The following ITGB5 variants were observed in gnomAD, a reference collection of about 807,000 sequenced individuals.
ITGB5 encodes the protein integrin beta-5.
A neutral mutation model predicts 84.8 loss-of-function variants in ITGB5; 38 were observed. The observed-to-expected ratio is 0.45, with a 90% CI of 0.35 to 0.59. The LOEUF (loss-of-function observed/expected upper bound fraction) is 0.59, where lower values mean the gene tolerates loss of function less well. ITGB5 is among the 20% of genes least tolerant of loss of function. The pLI is 0.01. For missense variants in ITGB5, 905 were observed against 1,034.5 expected (o/e 0.87, Z 1.72); for synonymous variants, 393 against 414.4 (o/e 0.95, Z 0.63).
In ITGB5 at chr3:124,763,674, C is replaced by T; in HGVS notation, c.2349G>A (p.Val783=). The T allele has an allele frequency of 6.2e-7, 1 of 1,611,182 alleles. No individual in the cohort carries two copies. Among genetic ancestry groups the T allele is most frequent in the Non-Finnish European group, 8.5e-7 (1 of 1,177,300 alleles). Residue 783 remains valine (V), a synonymous_variant, in exon 15 of 15, where the codon GTG becomes GTA. Coordinates refer to ENST00000296181, the MANE Select transcript of ITGB5 (RefSeq NM_002213.5). ...TGTTGAACTTGTTGAAGGTGAAGTC[C>T]ACAGTGTGCGTGGAGATAGGCTTTC... ...LYRKPISTHT[V]DFTFNKFNKS...
intron 2 of ITGB5, chr3:124,862,636 G>A (rs981334874): frequency 6.6e-6 from 1 of 152,258 alleles, no homozygotes; most frequent in Non-Finnish European, 1.5e-5. Flanking sequence ...TACAACCCTA[G>A]TAGTGTCGCT....
At chr3:124,864,581 G>C (rs1188176750) in intron 2 of ITGB5, among the ~76,000 whole-genome samples, 2 of 152,070 alleles carry the variant, frequency 1.3e-5, no homozygotes, top group Non-Finnish European at 2.9e-5. Context: ...TAAACATTGA[G>C]CACCCACAGA....
At chr3:124,841,061 T>C (rs55857135) in intron 5 of ITGB5, among the ~76,000 whole-genome samples, 8,308 of 152,348 alleles carry the variant, frequency 0.055, 312 homozygotes, top group Non-Finnish European at 0.081. Context: ...TGCCTATGAC[T>C]TGACCTTTAC....
upstream of ITGB5, among the ~76,000 whole-genome samples, chr3:124,888,737 A>G (rs1343291008): frequency 6.6e-6 from 1 of 152,188 alleles, no homozygotes. Flanking sequence ...TGAAGCAGTA[A>G]GGGGGAAAGA....
chr3:124,841,554 A>G lies in ITGB5; in HGVS notation c.612-3T>C. On this transcript the variant is annotated splice_polypyrimidine_tract_variant and splice_region_variant and intron_variant, in intron 4 of 14. Coordinates refer to ENST00000296181, the MANE Select transcript of ITGB5 (RefSeq NM_002213.5). ...CGCAATTTGGAAACAACTTGTAACT[A>G]GAGAGGAAGAAGAGAAGAGTCACTT... The G allele has an allele frequency of 6.2e-7, 1 of 1,613,194 alleles. No homozygotes were observed.
Position 124,767,889 on chromosome 3 carries a change from T to C in ITGB5, c.2017+1124A>G, listed in dbSNP as rs540207549. 6.6e-5 allele frequency among the ~76,000 whole-genome samples: 10 copies of C among 152,098 alleles called. No homozygotes were observed. In the East Asian group the frequency reaches 1.9e-3, roughly 30 times the overall value. ...GAGTTTGAGACCAGCCTGGGCAACA[T>C]GGTGAAACTCCGTCTCTACAAAAAC... On this transcript the variant is annotated intron_variant, in intron 12 of 14. Transcript: ENST00000296181.
chr3:124,822,211 C>T (rs774432117), intron 5 of ITGB5, among the ~76,000 whole-genome samples: 1 of 152,220 alleles, frequency 6.6e-6, no homozygotes. Flanking sequence ...GTGGTGCCAA[C>T]TCTACACAAA....
At chr3:124,814,290 G>A (rs7639092) in intron 8 of ITGB5, among the ~76,000 whole-genome samples, 6 of 151,714 alleles carry the variant, frequency 4.0e-5, no homozygotes, top group Non-Finnish European at 8.8e-5. Flanking sequence ...TTCACCTGAA[G>A]GGAGGGGTGG....
At chr3:124,867,141 G>A (rs939276616) in intron 2 of ITGB5, among the ~76,000 whole-genome samples, 1 of 151,852 alleles carries the variant, frequency 6.6e-6, no homozygotes. Flanking sequence ...GGCAAAGACC[G>A]CTCACCCCAG....
At chr3:124,826,671 G>T (rs185427366) in intron 5 of ITGB5, among the ~76,000 whole-genome samples, 1 of 152,184 alleles carries the variant, frequency 6.6e-6, no homozygotes, top group Middle Eastern at 3.2e-3. Context: ...GAAGAACTGT[G>T]CATGTAATAA....
At chr3:124,891,920 AAAAAAT>A (rs1176377854), upstream of ITGB5, among the ~76,000 whole-genome samples, 3 of 152,166 alleles carry the variant, frequency 2.0e-5, no homozygotes, top group African/African-American at 7.2e-5. Flanking sequence ...CTGTCTCAAA[AAAAAAT>A]AAAAATAAAA....
At chr3:124,845,259 C>T (rs990535073) in intron 4 of ITGB5, among the ~76,000 whole-genome samples, 4 of 152,206 alleles carry the variant, frequency 2.6e-5, no homozygotes, top group Non-Finnish European at 5.9e-5. Context: ...ATGGTGAAAC[C>T]CCATCTCTAC....
Position 124,796,767 on chromosome 3 carries a change from C to T in ITGB5, c.1314G>A (p.Thr438=), listed in dbSNP as rs773136191. The T allele has an allele frequency of 2.2e-5, 35 of 1,613,330 alleles. No individual in the cohort carries two copies. The highest frequency in any genetic ancestry group is 8.8e-5 in the South Asian group (8 of 90,936). ...CCGGCCGCAGGGCAAACACATGCTC[C>T]GTGTGTCTGCTGGGACAGCTTCGGG... is the stretch of plus-strand genomic sequence containing the variant. ...LEARSCPSRH[T]EHVFALRPVG... The change falls in exon 10 of 15, where the codon ACG becomes ACA. Residue 438 remains threonine (T), a synonymous_variant. Transcript: ENST00000296181.
chr3:124,771,242 GTTAGATCCAGA>G (rs2063839236), intron 11 of ITGB5, among the ~76,000 whole-genome samples: 5 of 152,168 alleles, frequency 3.3e-5, no homozygotes, highest in Admixed American at 3.3e-4. Flanking sequence ...AGTGTGGTTA[GTTAGATCCAGA>G]AAACGAAGAC....
At chr3:124,841,065 CCTTTA>C (rs1447653288) in intron 5 of ITGB5, among the ~76,000 whole-genome samples, 15 of 152,352 alleles carry the variant, frequency 9.8e-5, no homozygotes, top group Non-Finnish European at 1.8e-4. Flanking sequence ...TATGACTTGA[CCTTTA>C]CTTTTTTCCC....
chr3:124,774,935 G>GA (rs1312870592), intron 10 of ITGB5, among the ~76,000 whole-genome samples: 1 of 152,232 alleles, frequency 6.6e-6, no homozygotes, highest in East Asian at 1.9e-4. Flanking sequence ...CCAGAAAGGT[G>GA]AAGCAATGGT....
chr3:124,780,113 C>T (rs892019708), intron 10 of ITGB5, among the ~76,000 whole-genome samples: 17 of 122,608 alleles, frequency 1.4e-4, no homozygotes, highest in Admixed American at 7.7e-4. Context: ...AGGCAGGGCA[C>T]GGGGACCCTC....
At chr3:124,772,953 G>A (rs1579174706) in intron 11 of ITGB5, among the ~76,000 whole-genome samples, 1 of 118,158 alleles carries the variant, frequency 8.5e-6, no homozygotes, top group South Asian at 2.7e-4. Flanking sequence ...TCACTTTGTT[G>A]CCCAGGCTGG....
chr3:124,844,807 G>A (rs997400605), intron 4 of ITGB5, among the ~76,000 whole-genome samples: 3 of 152,220 alleles, frequency 2.0e-5, no homozygotes, highest in Non-Finnish European at 4.4e-5. Flanking sequence ...CAGCACGGAA[G>A]CTGACCATCT....
Sources: gnomAD v4.1 joint callset for allele counts (sites outside exome capture counted in the v4.1 genomes callset) on GRCh38, gnomAD v4.1.1 for gene constraint, MANE v1.5 for transcripts, NCBI Gene and HGNC (gene_info 2026-07-23, HGNC 2026-07-21) for gene names.